RBPJ: variants seen among roughly 807,000 people sequenced by gnomAD.
The protein encoded by RBPJ is recombination signal binding protein for immunoglobulin kappa J region, also known as recombining binding protein suppressor of hairless.
In RBPJ, 9 loss-of-function variants were observed where a neutral mutation model predicts 67.8. That is an observed-to-expected ratio of 0.13 (90% confidence interval 0.08 to 0.23). The LOEUF (loss-of-function observed/expected upper bound fraction) is 0.23. Ranked by LOEUF, RBPJ falls within the 10% of genes least tolerant of loss-of-function variation. The pLI is 1.00. For synonymous variants in RBPJ, 198 were observed against 203.3 expected (o/e 0.97, Z 0.22); for missense variants, 305 against 595.6 (o/e 0.51, Z 5.08).
intron 1 of RBPJ, among the ~76,000 whole-genome samples, chr4:26,288,411 C>T (rs542464608): frequency 6.6e-6 from 1 of 152,274 alleles, no homozygotes; most frequent in Non-Finnish European, 1.5e-5. Flanking sequence ...TTTGAGTGCC[C>T]CTCTGGCATG....
At chr4:26,266,822 TG>T (rs1224540849) in intron 1 of RBPJ, among the ~76,000 whole-genome samples, 1 of 152,184 alleles carries the variant, frequency 6.6e-6, no homozygotes, top group African/African-American at 2.4e-5. Flanking sequence ...TGGTGGCATC[TG>T]CTAAGAAAAC....
At chr4:26,239,163 G>T (rs1174983016) in intron 1 of RBPJ, among the ~76,000 whole-genome samples, 1 of 152,106 alleles carries the variant, frequency 6.6e-6, no homozygotes, top group South Asian at 2.1e-4. Context: ...CAGCCATATA[G>T]AAATTTATTT....
At chr4:26,156,414 CTTTTTTTTTTTT>C in the RBPJ span, among the ~76,000 whole-genome samples, 35 of 93,560 alleles carry the variant, frequency 3.7e-4, no homozygotes, top group Non-Finnish European at 6.5e-4. Flanking sequence ...TCTTTTCTTT[CTTTTTTTTTTTT>C]TTTTTTTTTT....
intron 3 of RBPJ, among the ~76,000 whole-genome samples, chr4:26,409,089 T>G (rs1733764706): frequency 6.6e-6 from 1 of 152,360 alleles, no homozygotes; most frequent in East Asian, 1.9e-4. Flanking sequence ...CACTTATTCT[T>G]TATTTCTGAT....
the RBPJ span, among the ~76,000 whole-genome samples, chr4:26,143,678 G>A: frequency 2.0e-5 from 3 of 152,210 alleles, no homozygotes; most frequent in East Asian, 1.9e-4. Flanking sequence ...TGTAATTCCA[G>A]CACTTTGGGA....
Position 26,167,818 on chromosome 4 carries a change from G to C in RBPJ, c.-167+4204G>C, listed in dbSNP as rs570595567. Reference sequence around the variant, plus strand: ...CCAGTTTTCAAAGGGAATGCTTCCAGTTTTTGCCCATTCAGTATGATATTG... The same window carrying C: ...CCAGTTTTCAAAGGGAATGCTTCCACTTTTTGCCCATTCAGTATGATATTG... On this transcript the variant is annotated intron_variant, in intron 1 of 4. Transcript: ENST00000512351. Among the ~76,000 whole-genome samples the C allele has an allele frequency of 1.5e-4, 22 of 151,242 alleles. 1 individual carries two copies. Among genetic ancestry groups the C allele is most frequent in the Admixed American group, 1.4e-3 (21 of 15,124 alleles).
chr4:26,174,199 G>A (rs1015004707), intron 1 of RBPJ, among the ~76,000 whole-genome samples: 2 of 152,178 alleles, frequency 1.3e-5, no homozygotes, highest in Non-Finnish European at 2.9e-5. Flanking sequence ...CAGACAGCTC[G>A]GGCTTGAATC....
chr4:26,408,404 T>C lies in RBPJ; in HGVS notation c.155+2134T>C, dbSNP rs535663885. On this transcript the variant is annotated intron_variant, in intron 3 of 10. Coordinates refer to ENST00000355476, the MANE Select transcript of RBPJ (RefSeq NM_015874.6). ...TCAAATTAGTGGTCCTTTTTTTTTT[T>C]CCCACGAAGTTGATATTAGAAATTC... 2.2e-4 allele frequency among the ~76,000 whole-genome samples: 34 copies of C among 152,144 alleles called. No individual in the cohort carries two copies. The East Asian group carries it at 2.7e-3, about 12-fold the overall frequency.
intron 1 of RBPJ, among the ~76,000 whole-genome samples, chr4:26,378,793 G>A (rs1329146941): frequency 1.3e-5 from 2 of 152,278 alleles, no homozygotes; most frequent in Non-Finnish European, 1.5e-5. Context: ...TTGGGAGGCC[G>A]AGGCAGGTGG....
At chr4:26,342,742 A>G (rs1725677566) in intron 1 of RBPJ, among the ~76,000 whole-genome samples, 1 of 152,222 alleles carries the variant, frequency 6.6e-6, no homozygotes, top group African/African-American at 2.4e-5. Flanking sequence ...ACAGGTTGCT[A>G]GTCATGAAAC....
chr4:26,322,283 A>G (rs1054273591), intron 1 of RBPJ: 19 of 152,098 alleles, frequency 1.2e-4, no homozygotes, highest in Admixed American at 5.2e-4. Flanking sequence ...GCCACAATGG[A>G]TATTCATTTG....
chr4:26,430,970 C>G lies in RBPJ; in HGVS notation c.1427C>G (p.Thr476Ser), dbSNP rs149497496. ...TACACAAACGCCAGCACAAATTCAA[C>G]CAGTGTCACATCATCTACAGCCACA... ...GSYTNASTNS[T>S]SVTSSTATVV... is the part of the protein sequence containing the mutation. The change falls in exon 11 of 11, where the codon ACC (threonine) becomes AGC (serine). Residue 476 changes from threonine (T) to serine (S), a missense_variant. Physicochemically the swap from Thr to Ser is moderately conservative, Grantham distance 58. Transcript: ENST00000355476. This position sits in a 1 kb window ranked among gnomAD's most constrained non-coding sequence, Gnocchi z 4.1. 1.5e-4 allele frequency: 247 copies of G among 1,613,922 alleles called. 1 individual carries two copies. Among genetic ancestry groups the G allele is most frequent in the Non-Finnish European group, 2.0e-4 (238 of 1,179,982 alleles).
rs146324550 is a variant in RBPJ, at chr4:26,203,066, G to A, written c.-167+39452G>A. On this transcript the variant is annotated intron_variant, in intron 1 of 4. Transcript: ENST00000512351. ...AGAAAAATAATTTCTCACCTCCACC[G>A]CTGGGTCAACCCTATCTAGTCCAAG... is the stretch of plus-strand genomic sequence containing the variant. Among the ~76,000 whole-genome samples, 31 of 152,232 alleles carry A rather than the reference G, an allele frequency of 2.0e-4. No homozygotes were observed. In the East Asian group the frequency reaches 4.8e-3, roughly 24 times the overall value.
intron 1 of RBPJ, among the ~76,000 whole-genome samples, chr4:26,238,982 A>G (rs1355069388): frequency 6.6e-6 from 1 of 152,128 alleles, no homozygotes; most frequent in Non-Finnish European, 1.5e-5. Flanking sequence ...TGGCAGGAAC[A>G]GGGCGGCACC....
At chr4:26,227,184 C>T (rs754156371) in intron 1 of RBPJ, among the ~76,000 whole-genome samples, 22 of 152,140 alleles carry the variant, frequency 1.4e-4, no homozygotes, top group Non-Finnish European at 2.6e-4. Context: ...GAATCCTTTC[C>T]GGTATCCTTT....
At chr4:26,219,467 A>T (rs1363091379) in intron 1 of RBPJ, among the ~76,000 whole-genome samples, 1 of 152,210 alleles carries the variant, frequency 6.6e-6, no homozygotes, top group Non-Finnish European at 1.5e-5. Flanking sequence ...GAGGGATAAG[A>T]GTTCAAGTTC....
At chr4:26,263,222 C>G (rs930678555) in intron 1 of RBPJ, among the ~76,000 whole-genome samples, 1 of 152,194 alleles carries the variant, frequency 6.6e-6, no homozygotes, top group Non-Finnish European at 1.5e-5. Flanking sequence ...ACATGACACT[C>G]CTGAGCTACC....
At chr4:26,336,968 GTTTTT>G (rs1305304918) in intron 1 of RBPJ, among the ~76,000 whole-genome samples, 3 of 151,832 alleles carry the variant, frequency 2.0e-5, no homozygotes, top group Admixed American at 6.6e-5. Flanking sequence ...TTTGTTTAGC[GTTTTT>G]TGTTTGTTTG....
At chr4:26,252,324 A>C (rs574196873) in intron 1 of RBPJ, among the ~76,000 whole-genome samples, 2 of 152,136 alleles carry the variant, frequency 1.3e-5, no homozygotes, top group East Asian at 3.9e-4. Context: ...GACTGGGTGC[A>C]GTGGGTCATG....
Sources: allele counts gnomAD v4.1 joint callset (sites outside exome capture counted in the v4.1 genomes callset), GRCh38; gene constraint gnomAD v4.1.1; non-coding constraint Gnocchi (gnomAD v3.1); transcripts MANE v1.5; gene names NCBI Gene and HGNC (gene_info 2026-07-23, HGNC 2026-07-21).